The following PCDH15 variants were observed in gnomAD, a reference collection of about 807,000 sequenced individuals.
PCDH15 encodes the protein protocadherin related 15, also known as protocadherin-15.
A neutral mutation model predicts 178.5 loss-of-function variants in PCDH15; 129 were observed. The ratio of observed to expected loss-of-function variants is 0.72; its 90% CI spans 0.63 to 0.84. PCDH15 has a LOEUF of 0.84. PCDH15 is among the 40% of genes least tolerant of loss of function. The pLI is 0.00. For missense variants in PCDH15, 2,230 were observed against 2,099.9 expected (o/e 1.06, Z -1.21); for synonymous variants, 800 against 732.0 (o/e 1.09, Z -1.50).
intron 13 of PCDH15, among the ~76,000 whole-genome samples, chr10:54,161,898 G>T (rs2045751861): frequency 6.6e-6 from 1 of 152,052 alleles, no homozygotes; most frequent in South Asian, 2.1e-4. Flanking sequence ...CTCCTCAGCT[G>T]CAGCACCTGA....
chr10:54,080,460 G>C (rs2094420068), intron 16 of PCDH15, among the ~76,000 whole-genome samples: 1 of 152,072 alleles, frequency 6.6e-6, no homozygotes, highest in Non-Finnish European at 1.5e-5. Context: ...CTGTGTAGAA[G>C]AGTTTATCTG....
chr10:55,140,191 T>C lies in PCDH15; in HGVS notation c.-80+26385A>G, dbSNP rs893985543. ...TTCAATTTTGTAGATTCTTTAAGAGTTTCCATATAAATACATATCATCTGC... is the reference window on the plus strand; with the variant it reads ...TTCAATTTTGTAGATTCTTTAAGAGCTTCCATATAAATACATATCATCTGC... On this transcript the variant is annotated intron_variant, in intron 2 of 5. Coordinates refer to the PCDH15 transcript ENST00000458638. Among the ~76,000 whole-genome samples, 12 of 152,058 alleles carry C rather than the reference T, an allele frequency of 7.9e-5. No homozygotes were observed. The South Asian group carries it at 1.9e-3, about 24-fold the overall frequency.
chr10:55,464,832 C>T (rs1171200689), intron 2 of PCDH15, among the ~76,000 whole-genome samples: 1 of 149,570 alleles, frequency 6.7e-6, no homozygotes, highest in Non-Finnish European at 1.5e-5. Context: ...TTTAACCCTA[C>T]TTGTGCCCAT....
At chr10:54,701,695 A>G (rs2095310683) in intron 1 of PCDH15, among the ~76,000 whole-genome samples, 1 of 152,160 alleles carries the variant, frequency 6.6e-6, no homozygotes, top group African/African-American at 2.4e-5. Flanking sequence ...ACAAGCAATT[A>G]AAAAGACAAA....
At chr10:54,509,449 G>A (rs527249131) in intron 3 of PCDH15, among the ~76,000 whole-genome samples, 1 of 152,212 alleles carries the variant, frequency 6.6e-6, no homozygotes, top group South Asian at 2.1e-4. Flanking sequence ...GGATCTGTGA[G>A]TCCATTAAAC....
chr10:55,386,506 G>T (rs987883093), intron 2 of PCDH15, among the ~76,000 whole-genome samples: 2 of 151,922 alleles, frequency 1.3e-5, no homozygotes, highest in Admixed American at 1.3e-4. Flanking sequence ...AAATAAAAAA[G>T]GATGCATTGT....
chr10:55,249,958 C>T (rs542140740), intron 1 of PCDH15, among the ~76,000 whole-genome samples: 1 of 151,716 alleles, frequency 6.6e-6, no homozygotes, highest in South Asian at 2.1e-4. Flanking sequence ...GTCATGATCT[C>T]TAGAAAAAAA....
intron 8 of PCDH15, among the ~76,000 whole-genome samples, chr10:54,287,793 G>A (rs973979756): frequency 6.6e-6 from 1 of 152,058 alleles, no homozygotes; most frequent in Non-Finnish European, 1.5e-5. Flanking sequence ...AATGCCAAAT[G>A]AATAGACAGT....
At chr10:55,236,407 C>T (rs1841388218) in intron 1 of PCDH15, among the ~76,000 whole-genome samples, 2 of 152,162 alleles carry the variant, frequency 1.3e-5, no homozygotes, top group African/African-American at 4.8e-5. Context: ...AAAATACATA[C>T]ACTTACACCC....
intron 2 of PCDH15, among the ~76,000 whole-genome samples, chr10:54,552,498 A>G (rs563891369): frequency 6.6e-6 from 1 of 152,310 alleles, no homozygotes; most frequent in African/African-American, 2.4e-5. Context: ...AGTGATTAAG[A>G]ATACAGCCGC....
chr10:55,515,808 C>T (rs1841000385), intron 2 of PCDH15, among the ~76,000 whole-genome samples: 1 of 152,116 alleles, frequency 6.6e-6, no homozygotes, highest in Admixed American at 6.6e-5. Context: ...ATTTAATCCA[C>T]ATGATTGTTT....
intron 1 of PCDH15, among the ~76,000 whole-genome samples, chr10:55,233,456 T>C (rs1449138001): frequency 6.6e-6 from 1 of 152,108 alleles, no homozygotes; most frequent in East Asian, 1.9e-4. Flanking sequence ...AATAAGAAAT[T>C]ATAGTAAATG....
At chr10:55,438,100 G>A (rs1029001979) in intron 2 of PCDH15, among the ~76,000 whole-genome samples, 11 of 151,730 alleles carry the variant, frequency 7.2e-5, no homozygotes, top group African/African-American at 2.4e-4. Context: ...CTCCCAAAGT[G>A]CTGGGAGTAC....
rs71007853 is a variant in PCDH15 at position 54,421,929 on chromosome 10, C to CTATA, written c.158-42991_158-42988dup. Among the ~76,000 whole-genome samples the CTATA allele has an allele frequency of 3.9e-3, 415 of 105,706 alleles. 16 individuals are homozygous for CTATA. Among genetic ancestry groups the CTATA allele is most frequent in the Middle Eastern group, 0.011 (2 of 180 alleles). The allele number at this position is 105,706 out of a possible 152,430, so 69.3% of individuals were successfully genotyped here. A position where few individuals can be genotyped will look rare whatever the true frequency, so the allele number is the denominator to read the frequency against. The stretch of plus-strand genomic sequence containing the variant: ...TATATACACTATATATATATATACA[C>CTATA]TATATATATATATATAAAAATATAT... On this transcript the variant is annotated intron_variant, in intron 3 of 37. Transcript: ENST00000644397.
At chr10:54,660,259 G>A (rs528888001) in intron 2 of PCDH15, among the ~76,000 whole-genome samples, 5 of 152,112 alleles carry the variant, frequency 3.3e-5, no homozygotes, top group Admixed American at 6.5e-5. Context: ...CATTACAACC[G>A]ATACCACAGA....
At chr10:54,245,753 T>G (rs2131992639) in intron 8 of PCDH15, among the ~76,000 whole-genome samples, 1 of 151,806 alleles carries the variant, frequency 6.6e-6, no homozygotes, top group African/African-American at 2.4e-5. Flanking sequence ...AAAAAAAAAA[T>G]GAAATCTATC....
intron 2 of PCDH15, among the ~76,000 whole-genome samples, chr10:54,947,921 T>C (rs1471974800): frequency 6.6e-6 from 1 of 151,922 alleles, no homozygotes; most frequent in African/African-American, 2.4e-5. Flanking sequence ...ACATGAGAAA[T>C]TCCCATTCAC....
chr10:54,592,798 C>T (rs2091967487), intron 2 of PCDH15, among the ~76,000 whole-genome samples: 1 of 152,300 alleles, frequency 6.6e-6, no homozygotes, highest in East Asian at 1.9e-4. Context: ...CACCAATTTA[C>T]ATTCCCATCA....
chr10:54,709,593 C>CATATATATATATATATAT, intron 1 of PCDH15, among the ~76,000 whole-genome samples: 1 of 94,822 alleles, frequency 1.1e-5, no homozygotes, highest in Non-Finnish European at 2.1e-5. Context: ...ACAAATAATT[C>CATATATATATATATATAT]ATATATATAT....
Sources: allele counts gnomAD v4.1 joint callset (sites outside exome capture counted in the v4.1 genomes callset), GRCh38; gene constraint gnomAD v4.1.1; transcripts MANE v1.5; gene names NCBI Gene and HGNC (gene_info 2026-07-23, HGNC 2026-07-21).